YTHDC2: variants seen among roughly 807,000 people sequenced by gnomAD.
YTHDC2 encodes the protein YTH N6-methyladenosine RNA binding protein C2.
YTHDC2 carries 45 observed loss-of-function variants against 174.9 expected under a neutral mutation model. That is an observed-to-expected ratio of 0.26 (90% CI 0.20 to 0.33). The LOEUF is 0.33. Among genes scored for constraint, YTHDC2 ranks in the 10% least tolerant of loss-of-function variants. YTHDC2 has a pLI of 1.00. For synonymous variants in YTHDC2, 657 were observed against 574.5 expected (o/e 1.14, Z -2.05); for missense variants, 1,650 against 1,723.7 (o/e 0.96, Z 0.76).
At chr5:113,528,376 C>A (rs1774427239) in intron 4 of YTHDC2, among the ~76,000 whole-genome samples, 1 of 152,008 alleles carries the variant, frequency 6.6e-6, no homozygotes, top group South Asian at 2.1e-4. Context: ...TGTTTTTATT[C>A]TTTGAAATAT....
At position 113,565,986 on chromosome 5, in the gene YTHDC2, A is replaced by T; in HGVS notation, c.2809A>T (p.Arg937Ter). The T allele has an allele frequency of 6.2e-7, 1 of 1,612,220 alleles. No individual in the cohort carries two copies. Among genetic ancestry groups the T allele is most frequent in the Non-Finnish European group, 8.5e-7 (1 of 1,179,204 alleles). ...TACTATGGAAATAATCATAGGCATG[A>T]GAACACAGTTGCTTGGTCAACTTAG... ...QATMEIIIGM[R>*]TQLLGQLRAS... The change falls in exon 21 of 30, where the codon AGA (arginine) becomes TGA (stop). Residue 937 changes from arginine to a stop codon, truncating the protein, a stop_gained. Coordinates refer to ENST00000161863, the MANE Select transcript of YTHDC2 (RefSeq NM_022828.5). LOFTEE classifies it high-confidence loss of function.
chr5:113,594,998 A>G lies in YTHDC2; in HGVS notation c.*1524A>G, dbSNP rs1779188134. ...TGTAAATTGAACCTATTTGAATTAT[A>G]TTCCACTGTATGTGTATTATGGCTC... On this transcript the variant is annotated 3_prime_UTR_variant, in exon 30 of 30. Transcript: ENST00000161863. 1 of 152,132 alleles carries G rather than the reference A, an allele frequency of 6.6e-6. No homozygotes were observed. Among genetic ancestry groups the G allele is most frequent in the Non-Finnish European group, 1.5e-5 (1 of 68,012 alleles). 9.4% of individuals were successfully genotyped at this position (152,132 alleles called of 1,614,324 possible).
intron 26 of YTHDC2, among the ~76,000 whole-genome samples, chr5:113,585,240 G>T (rs1778617466): frequency 6.6e-6 from 1 of 151,922 alleles, no homozygotes; most frequent in African/African-American, 2.4e-5. Context: ...GAAGGTAGGA[G>T]ATGTTGATAA....
intron 28 of YTHDC2, 24 bp downstream of exon 28, chr5:113,592,202 TATTTAC>T (rs1561717769): frequency 6.5e-7 from 1 of 1,530,134 alleles, no homozygotes. Flanking sequence ...TTTTTTTTTT[TATTTAC>T]TTTTGTTTCT....
intron 20 of YTHDC2, 36 bp downstream of exon 20, chr5:113,564,167 C>A (rs199549600): frequency 1.9e-6 from 3 of 1,552,684 alleles, no homozygotes; most frequent in Non-Finnish European, 2.6e-6. Context: ...GAAGACGTTG[C>A]TGGGTAAACA....
At chr5:113,539,336 T>C (rs1194729164) in intron 8 of YTHDC2, among the ~76,000 whole-genome samples, 155 bp downstream of exon 8, 2 of 152,236 alleles carry the variant, frequency 1.3e-5, no homozygotes, top group Admixed American at 6.5e-5. Context: ...GTCCCAAATA[T>C]TCCTTTGCTT....
At chr5:113,578,071 T>C (rs1778173347) in intron 23 of YTHDC2, among the ~76,000 whole-genome samples, 1 of 152,228 alleles carries the variant, frequency 6.6e-6, no homozygotes, top group Admixed American at 6.5e-5. Flanking sequence ...GTCCATTTTG[T>C]CTTACTGAAT....
At position 113,561,120 on chromosome 5, in the gene YTHDC2, A is replaced by G. The variant is rs1456559133; in HGVS notation, c.2257A>G (p.Ser753Gly). Residue 753 changes from serine (S) to glycine (G), a missense_variant, in exon 18 of 30, where the codon AGT becomes GGT. Ser to Gly is a moderately conservative substitution (Grantham distance 56). Around this residue, in one of 5 missense-constraint regions of YTHDC2, gnomAD observed 913 missense variants for 940.4 expected, o/e 0.97. Transcript: ENST00000161863. ...CRPGICFRLFSRLRFQNMLEF... is the reference protein window; with the variant it reads ...CRPGICFRLFGRLRFQNMLEF... ...ACCTGGAATTTGTTTTCGTCTGTTC[A>G]GTAGACTCCGATTCCAGAATATGTT... 1.9e-6 allele frequency: 3 copies of G among 1,613,136 alleles called. No individual in the cohort carries two copies. Among genetic ancestry groups the G allele is most frequent in the Admixed American group, 3.3e-5 (2 of 59,984 alleles).
At chr5:113,559,566 C>T (rs185667190) in intron 17 of YTHDC2, among the ~76,000 whole-genome samples, 23 of 152,284 alleles carry the variant, frequency 1.5e-4, no homozygotes, top group Admixed American at 1.0e-3. Context: ...CATTTGTGCC[C>T]TAGTTGAAGA....
At chr5:113,524,362 T>G (rs946848028) in intron 2 of YTHDC2, among the ~76,000 whole-genome samples, 1 of 152,120 alleles carries the variant, frequency 6.6e-6, no homozygotes, top group African/African-American at 2.4e-5. Flanking sequence ...CTACAGTAAA[T>G]AACTTGAACA....
chr5:113,579,734 T>G, intron 24 of YTHDC2, 39 bp downstream of exon 24: 1 of 1,551,006 alleles, frequency 6.4e-7, no homozygotes, highest in Non-Finnish European at 8.7e-7. Flanking sequence ...TTTCTTTCAT[T>G]CAGTTAGTGT....
At chr5:113,525,260 C>A in intron 3 of YTHDC2, 83 bp downstream of exon 3, 1 of 1,165,064 alleles carries the variant, frequency 8.6e-7, no homozygotes, top group East Asian at 2.7e-5. Flanking sequence ...TTTTCGAAAA[C>A]CAAGATGAAA....
At chr5:113,561,957 GGTGT>G (rs70973686) in intron 18 of YTHDC2, among the ~76,000 whole-genome samples, 6,666 of 134,872 alleles carry the variant, frequency 0.049, 181 homozygotes, top group Middle Eastern at 0.11. Flanking sequence ...ATTAATTGTG[GGTGT>G]GTGTGTGTGT....
At chr5:113,572,469 T>C (rs907716498) in intron 23 of YTHDC2, among the ~76,000 whole-genome samples, 2 of 152,276 alleles carry the variant, frequency 1.3e-5, no homozygotes, top group African/African-American at 2.4e-5. Context: ...GTTCTGTAGA[T>C]ATCTATCAGG....
Position 113,527,624 on chromosome 5 carries a change from G to A in YTHDC2, c.675+839G>A, listed in dbSNP as rs116480840. Among the ~76,000 whole-genome samples, 1,285 of 152,214 alleles carry A rather than the reference G, an allele frequency of 8.4e-3. 21 individuals carry two copies. Among genetic ancestry groups the A allele is most frequent in the African/African-American group, 0.03 (1,235 of 41,522 alleles). ...GCTTAGTAGATAAGGCAAGGTGGGAGGAGAAGTTGAGTATAAACTTTACCA... is the reference window on the plus strand; with the variant it reads ...GCTTAGTAGATAAGGCAAGGTGGGAAGAGAAGTTGAGTATAAACTTTACCA... On this transcript the variant is annotated intron_variant, in intron 4 of 29. Transcript: ENST00000161863.
intron 17 of YTHDC2, among the ~76,000 whole-genome samples, chr5:113,556,615 C>G (rs1348256203): frequency 6.6e-6 from 1 of 152,080 alleles, no homozygotes; most frequent in Non-Finnish European, 1.5e-5. Context: ...TTTTGAATCT[C>G]AGATGGGCAT....
chr5:113,589,920 T>C (rs1778918569), intron 26 of YTHDC2, among the ~76,000 whole-genome samples: 1 of 152,208 alleles, frequency 6.6e-6, no homozygotes, highest in African/African-American at 2.4e-5. Flanking sequence ...TTTACTTTTC[T>C]TTCTGTTTTG....
At chr5:113,551,470 TATA>T (rs1335681847) in intron 12 of YTHDC2, among the ~76,000 whole-genome samples, 2 of 152,136 alleles carry the variant, frequency 1.3e-5, no homozygotes, top group Non-Finnish European at 2.9e-5. Context: ...TTAAACAGAA[TATA>T]ATGTCTTCTT....
chr5:113,550,636 G>C (rs1278650752), intron 12 of YTHDC2, among the ~76,000 whole-genome samples: 1 of 152,108 alleles, frequency 6.6e-6, no homozygotes, highest in South Asian at 2.1e-4. Flanking sequence ...AGCAGAAAAT[G>C]AATGTTGCTT....
Sources: allele counts gnomAD v4.1 joint callset (sites outside exome capture counted in the v4.1 genomes callset), GRCh38; gene constraint gnomAD v4.1.1; regional missense constraint gnomAD v4.1.1; transcripts MANE v1.5; gene names NCBI Gene and HGNC (gene_info 2026-07-23, HGNC 2026-07-21).